The following IQCH variants were observed in gnomAD, a reference collection of about 807,000 sequenced individuals.
IQCH encodes the protein IQ domain-containing protein H.
A neutral mutation model predicts 117.0 loss-of-function variants in IQCH; 98 were observed. That is an observed-to-expected ratio of 0.84 (90% CI 0.71 to 0.99). The LOEUF (loss-of-function observed/expected upper bound fraction) is 0.99, where lower values mean the gene tolerates loss of function less well. Ranked by LOEUF, IQCH falls within the 50% of genes least tolerant of loss-of-function variation. IQCH has a pLI of 0.00. For missense variants in IQCH, 1,102 were observed against 1,243.8 expected (o/e 0.89, Z 1.72); for synonymous variants, 412 against 448.2 (o/e 0.92, Z 1.02).
chr15:67,448,071 C>T (rs2140982801), intron 16 of IQCH, among the ~76,000 whole-genome samples: 1 of 152,164 alleles, frequency 6.6e-6, no homozygotes, highest in East Asian at 1.9e-4. Flanking sequence ...TTATCACAGG[C>T]TCCCACACTT....
chr15:67,353,571 G>A (rs1304157720), intron 6 of IQCH, among the ~76,000 whole-genome samples: 1 of 151,988 alleles, frequency 6.6e-6, no homozygotes, highest in Admixed American at 6.6e-5. Flanking sequence ...TGTTGCCCAG[G>A]GTGGTCTCAA....
chr15:67,259,741 G>C (rs1965381951), intron 1 of IQCH, among the ~76,000 whole-genome samples: 1 of 152,260 alleles, frequency 6.6e-6, no homozygotes, highest in African/African-American at 2.4e-5. Flanking sequence ...CCTTGCCCTT[G>C]AACTGCCTCT....
At chr15:67,415,520 G>T (rs1187617362) in intron 14 of IQCH, among the ~76,000 whole-genome samples, 2 of 152,040 alleles carry the variant, frequency 1.3e-5, no homozygotes, top group Non-Finnish European at 2.9e-5. Flanking sequence ...TTTTGAACCC[G>T]CTGAGGGCAT....
chr15:67,333,140 A>G (rs966335811), intron 4 of IQCH, among the ~76,000 whole-genome samples: 2 of 152,076 alleles, frequency 1.3e-5, no homozygotes, highest in Non-Finnish European at 2.9e-5. Flanking sequence ...TCATGATCAA[A>G]CCACCTTCCA....
chr15:67,361,291 T>C (rs369558978), intron 8 of IQCH, among the ~76,000 whole-genome samples: 1 of 152,188 alleles, frequency 6.6e-6, no homozygotes, highest in East Asian at 1.9e-4. Context: ...TAACATATAC[T>C]GAGTGCTTAC....
intron 2 of IQCH, 131 bp from the exon 3 acceptor site, chr15:67,262,991 G>T (rs1053807631): frequency 1.1e-5 from 7 of 652,022 alleles, no homozygotes; most frequent in Non-Finnish European, 1.9e-5. Flanking sequence ...GATACCTTAG[G>T]CACGTAATAA....
In IQCH at chr15:67,265,598, A is replaced by G. The variant is rs367587817; in HGVS notation, c.269+2382A>G. 1.2e-4 allele frequency among the ~76,000 whole-genome samples: 18 copies of G among 152,334 alleles called. 2 individuals carry two copies. Among genetic ancestry groups the G allele is most frequent in the East Asian group, 3.9e-4 (2 of 5,182 alleles). On this transcript the variant is annotated intron_variant, in intron 3 of 20. Transcript: ENST00000335894. ...GAGAAAAATCCAAACTGGGTCTTCA[A>G]AGTAAACAAGCAGGTCCTGAGAGTC...
At chr15:67,354,208 G>A (rs1368161301) in intron 6 of IQCH, among the ~76,000 whole-genome samples, 2 of 152,104 alleles carry the variant, frequency 1.3e-5, no homozygotes, top group Non-Finnish European at 2.9e-5. Context: ...TAGGAACATA[G>A]AGGCAAAGAT....
rs540456726 is a variant in IQCH, at chr15:67,493,990, C to T, written c.2862-268C>T. Among the ~76,000 whole-genome samples, 1 of 152,170 alleles carries T rather than the reference C, an allele frequency of 6.6e-6. No individual in the cohort carries two copies. The highest frequency in any genetic ancestry group is 1.5e-5 in the Non-Finnish European group (1 of 68,028). On this transcript the variant is annotated intron_variant, in intron 19 of 20. Transcript: ENST00000335894. The surrounding 1 kb of genome is among the most constrained non-coding windows in gnomAD (Gnocchi z 5.1). ...AAAATGAACTCGTACAACATCCTAG[C>T]TCAGTGGTAGACTTTCGCTAGAAAT...
At chr15:67,373,476 C>T (rs976080329) in intron 10 of IQCH, 43 bp downstream of exon 10, 1 of 1,248,882 alleles carries the variant, frequency 8.0e-7, no homozygotes. Context: ...ACCTCTATTA[C>T]CCACCACATT....
At chr15:67,298,351 C>T (rs1284930021) in intron 4 of IQCH, among the ~76,000 whole-genome samples, 2 of 149,836 alleles carry the variant, frequency 1.3e-5, no homozygotes, top group Non-Finnish European at 3.0e-5. Context: ...CAAAATAAGA[C>T]ATACAAATGA....
rs145487872 is a variant in IQCH, at chr15:67,309,229, G to T, written c.388-27746G>T. ...TGAAAAATATTAGTTATTACTATTG[G>T]CAAGTCTCATATATTGTATTGTGCC... On this transcript the variant is annotated intron_variant, in intron 4 of 20. Transcript: ENST00000335894. 6.8e-4 allele frequency among the ~76,000 whole-genome samples: 104 copies of T among 152,176 alleles called. 4 individuals are homozygous for T. The East Asian group carries it at 0.012, about 17-fold the overall frequency.
intron 16 of IQCH, among the ~76,000 whole-genome samples, chr15:67,455,299 TAAAC>T (rs2082633756): frequency 6.6e-6 from 1 of 152,268 alleles, no homozygotes; most frequent in South Asian, 2.1e-4. Flanking sequence ...TTCCCAAAAG[TAAAC>T]AAACTTGCCT....
rs899739023 is a variant in IQCH, at chr15:67,393,705, G to C, written c.1633-1586G>C. Reference sequence around the variant, plus strand: ...CCTGGCTAATTTTTTTGTAGATAGGGGGTTTTGCCACGTTGCCCAGGCTGG... The same window carrying C: ...CCTGGCTAATTTTTTTGTAGATAGGCGGTTTTGCCACGTTGCCCAGGCTGG... On this transcript the variant is annotated intron_variant, in intron 12 of 20. Transcript: ENST00000335894. This position sits in a 1 kb window ranked among gnomAD's most constrained non-coding sequence, Gnocchi z 5.5. 6.6e-6 allele frequency among the ~76,000 whole-genome samples: 1 copy of C among 151,774 alleles called. No individual in the cohort carries two copies. The highest frequency in any genetic ancestry group is 6.6e-5 in the Admixed American group (1 of 15,232).
intron 14 of IQCH, among the ~76,000 whole-genome samples, chr15:67,412,652 G>T (rs2081478949): frequency 6.6e-6 from 1 of 152,098 alleles, no homozygotes; most frequent in Non-Finnish European, 1.5e-5. Flanking sequence ...ACCCACCTCG[G>T]CCTCCCAAAG....
At chr15:67,271,835 G>T (rs951662962) in intron 3 of IQCH, among the ~76,000 whole-genome samples, 35 of 151,634 alleles carry the variant, frequency 2.3e-4, no homozygotes, top group African/African-American at 8.2e-4. Flanking sequence ...CTAGCTAAAG[G>T]TTTGTTGATT....
chr15:67,272,991 TCTTA>T (rs148929746), intron 3 of IQCH, among the ~76,000 whole-genome samples: 2,147 of 152,314 alleles, frequency 0.014, 52 homozygotes, highest in African/African-American at 0.045. Context: ...TCTCTTCCTT[TCTTA>T]CTGTCTTTCA....
Position 67,373,351 on chromosome 15 carries a change from T to C in IQCH, c.1306-16T>C, listed in dbSNP as rs1324982366. On this transcript the variant is annotated splice_polypyrimidine_tract_variant and intron_variant, in intron 9 of 20. Coordinates refer to ENST00000335894, the MANE Select transcript of IQCH (RefSeq NM_001031715.3). Reference sequence around the variant, plus strand: ...ACAGCTTCCTGTCACTGATCAATGCTCTTCTTGATTTTTAGCATCTGGCAG... The same window carrying C: ...ACAGCTTCCTGTCACTGATCAATGCCCTTCTTGATTTTTAGCATCTGGCAG... 1.3e-6 allele frequency: 2 copies of C among 1,594,674 alleles called. No individual in the cohort carries two copies. The highest frequency in any genetic ancestry group is 2.2e-5 in the East Asian group (1 of 44,798).
chr15:67,278,014 AGG>A (rs1966201159), intron 3 of IQCH, among the ~76,000 whole-genome samples: 1 of 152,168 alleles, frequency 6.6e-6, no homozygotes, highest in African/African-American at 2.4e-5. Flanking sequence ...CTCTATAATT[AGG>A]TGTCAGTCTT....
Sources: allele counts gnomAD v4.1 joint callset (sites outside exome capture counted in the v4.1 genomes callset), GRCh38; gene constraint gnomAD v4.1.1; non-coding constraint Gnocchi (gnomAD v3.1); transcripts MANE v1.5; gene names NCBI Gene and HGNC (gene_info 2026-07-23, HGNC 2026-07-21).